NT5E: variants seen among roughly 807,000 people sequenced by gnomAD.
The protein encoded by NT5E is 5'-nucleotidase ecto, also known as 5'-nucleotidase.
A neutral mutation model predicts 55.1 loss-of-function variants in NT5E; 53 were observed. The ratio of observed to expected loss-of-function variants is 0.96; its 90% confidence interval spans 0.77 to 1.21. The LOEUF (loss-of-function observed/expected upper bound fraction) is 1.21. Among genes scored for constraint, NT5E ranks in the 50% most tolerant of loss-of-function variants. The pLI, the probability that NT5E is intolerant of heterozygous loss-of-function variation, is 0.00. For synonymous variants in NT5E, 270 were observed against 278.4 expected, an observed-to-expected ratio of 0.97 and a Z score of 0.30; for missense variants, 683 against 724.3, an observed-to-expected ratio of 0.94 and a Z score of 0.65.
chr6:85,469,730 A>G (rs1209435880), intron 2 of NT5E, among the ~76,000 whole-genome samples: 1 of 152,224 alleles, frequency 6.6e-6, no homozygotes, highest in African/African-American at 2.4e-5. Context: ...ATTTTTCAAC[A>G]TTGCCTATGA....
In NT5E at chr6:85,494,238, A is replaced by C. The variant is rs1769846138; in HGVS notation, c.*234A>C. 3 of 530,958 alleles carry C rather than the reference A, an allele frequency of 5.7e-6. No individual in the cohort carries two copies. In the East Asian group the frequency reaches 9.2e-5, roughly 16 times the overall value. The allele number at this position is 530,958 out of a possible 1,614,324, so 32.9% of individuals were successfully genotyped here. A position where few individuals can be genotyped will look rare whatever the true frequency, so the allele number is the denominator to read the frequency against. On this transcript the variant is annotated 3_prime_UTR_variant, in exon 9 of 9. Transcript: ENST00000257770. ...CTATAAGGAGAAAGCCAACTATGTT[A>C]AGTTTACGTGTCCAAATTTTAATGA...
intron 2 of NT5E, among the ~76,000 whole-genome samples, chr6:85,470,242 C>A (rs747241433): frequency 3.9e-5 from 6 of 152,198 alleles, no homozygotes; most frequent in Admixed American, 1.3e-4. Flanking sequence ...GTTGGAGGAA[C>A]CAGTTGCCTT....
At chr6:85,483,545 T>C (rs945926238) in intron 3 of NT5E, among the ~76,000 whole-genome samples, 3 of 152,254 alleles carry the variant, frequency 2.0e-5, no homozygotes, top group African/African-American at 7.2e-5. Flanking sequence ...AGTTGGATGC[T>C]TCTGTAAAAG....
chr6:85,495,782 C>G lies in NT5E; in HGVS notation c.*1778C>G, dbSNP rs1331828002. The G allele has an allele frequency of 6.6e-6, 1 of 152,078 alleles. No individual in the cohort carries two copies. The highest frequency in any genetic ancestry group is 1.5e-5 in the Non-Finnish European group (1 of 68,010). The allele number at this position is 152,078 out of a possible 1,614,324, so 9.4% of individuals were successfully genotyped here. A position where few individuals can be genotyped will look rare whatever the true frequency, so the allele number is the denominator to read the frequency against. On this transcript the variant is annotated 3_prime_UTR_variant, in exon 9 of 9. Transcript: ENST00000257770. ...TCCCAACAATAAAATTGAAGATAAG[C>G]TCTTTGGTCTTTGATAGTTATTTCT...
chr6:85,460,773 G>A (rs1769084812), intron 1 of NT5E, among the ~76,000 whole-genome samples: 1 of 152,160 alleles, frequency 6.6e-6, no homozygotes, highest in Admixed American at 6.5e-5. Flanking sequence ...GAACACTCCT[G>A]GGGTGAGAGC....
chr6:85,487,161 A>C (rs1769685463), intron 4 of NT5E, among the ~76,000 whole-genome samples, 174 bp from the exon 5 acceptor site: 1 of 152,250 alleles, frequency 6.6e-6, no homozygotes, highest in Non-Finnish European at 1.5e-5. Context: ...TCTTATTACC[A>C]GGAAACAAAA....
intron 1 of NT5E, among the ~76,000 whole-genome samples, chr6:85,453,576 A>T (rs892357153): frequency 6.6e-6 from 1 of 152,246 alleles, no homozygotes; most frequent in African/African-American, 2.4e-5. Context: ...ATCCACCTCC[A>T]GAGGTGAGAT....
chr6:85,456,917 T>C (rs911512617), intron 1 of NT5E, among the ~76,000 whole-genome samples: 1 of 152,292 alleles, frequency 6.6e-6, no homozygotes, highest in East Asian at 1.9e-4. Flanking sequence ...GGTATGTGAT[T>C]GTTGTCTCCA....
At position 85,485,275 on chromosome 6, in the gene NT5E, A is replaced by C. The variant is rs759255764; in HGVS notation, c.792A>C (p.Pro264=). ...PSKEVPAGKY[P]FIVTSDDGRK... ...AAGAGGTGCCTGCTGGGAAGTACCC[A>C]TTCATAGTCACTTCTGATGATGGGC... The change falls in exon 4 of 9, where the codon CCA becomes CCC. Residue 264 remains proline (P), a synonymous_variant. Coordinates refer to ENST00000257770, the MANE Select transcript of NT5E (RefSeq NM_002526.4). 6.2e-7 allele frequency: 1 copy of C among 1,614,174 alleles called. No individual in the cohort carries two copies. The highest frequency in any genetic ancestry group is 1.3e-5 in the African/African-American group (1 of 75,060).
intron 4 of NT5E, among the ~76,000 whole-genome samples, chr6:85,486,797 T>C (rs1003236327): frequency 5.9e-5 from 9 of 152,204 alleles, no homozygotes; most frequent in Non-Finnish European, 2.9e-5. Flanking sequence ...AGAGTAAAAA[T>C]ACATTTTTAT....
rs1259930237 is a variant in NT5E, at chr6:85,495,107, T to C, written c.*1103T>C. On this transcript the variant is annotated 3_prime_UTR_variant, in exon 9 of 9. Transcript: ENST00000257770. Reference sequence around the variant, plus strand: ...TCTACTCATACTACACACCCAGTTATGGAATGTCCAGAGTTCTCGAAGAAA... The same window carrying C: ...TCTACTCATACTACACACCCAGTTACGGAATGTCCAGAGTTCTCGAAGAAA... The C allele has an allele frequency of 6.6e-6, 1 of 152,240 alleles. No homozygotes were observed. Among genetic ancestry groups the C allele is most frequent in the East Asian group, 1.9e-4 (1 of 5,194 alleles). 9.4% of individuals were successfully genotyped at this position (152,240 alleles called of 1,614,324 possible).
chr6:85,488,676 G>A (rs1032704985), intron 5 of NT5E, among the ~76,000 whole-genome samples: 1 of 152,128 alleles, frequency 6.6e-6, no homozygotes, highest in Non-Finnish European at 1.5e-5. Context: ...CGTCCCTTGG[G>A]TTCAAGCGAT....
At chr6:85,490,377 C>A in intron 6 of NT5E, 131 bp from the exon 7 acceptor site, 2 of 1,051,060 alleles carry the variant, frequency 1.9e-6, no homozygotes, top group Non-Finnish European at 1.5e-6. Flanking sequence ...ACCACTTAGA[C>A]ATAGCTAATG....
chr6:85,487,236 GT>G, intron 4 of NT5E, 98 bp from the exon 5 acceptor site: 1 of 1,113,984 alleles, frequency 9.0e-7, no homozygotes, highest in South Asian at 1.3e-5. Flanking sequence ...AAACAAATAT[GT>G]TCTCACAGCA....
intron 1 of NT5E, among the ~76,000 whole-genome samples, chr6:85,463,779 A>T (rs1277666311): frequency 6.6e-6 from 1 of 152,228 alleles, no homozygotes; most frequent in East Asian, 1.9e-4. Flanking sequence ...GAGTAGCATG[A>T]TCCTGAAGAG....
Position 85,495,586 on chromosome 6 carries a change from C to G in NT5E, c.*1582C>G, listed in dbSNP as rs1313082849. On this transcript the variant is annotated 3_prime_UTR_variant, in exon 9 of 9. Coordinates refer to ENST00000257770, the MANE Select transcript of NT5E (RefSeq NM_002526.4). The stretch of plus-strand genomic sequence containing the variant: ...TATAAAAAATGTCAATAAGATTGTA[C>G]AAGGAAAATTAGAGAAAGTCACATT... 6.6e-6 allele frequency: 1 copy of G among 152,118 alleles called. No individual in the cohort carries two copies. Among genetic ancestry groups the G allele is most frequent in the Non-Finnish European group, 1.5e-5 (1 of 68,016 alleles). 9.4% of individuals were successfully genotyped at this position (152,118 alleles called of 1,614,324 possible).
In NT5E at chr6:85,450,552, G is replaced by A; in HGVS notation, c.339+74G>A. The A allele has an allele frequency of 1.5e-6, 2 of 1,372,788 alleles. No individual in the cohort carries two copies. The highest frequency in any genetic ancestry group is 2.0e-6 in the Non-Finnish European group (2 of 988,572). 85.0% of individuals were successfully genotyped at this position (1,372,788 alleles called of 1,614,324 possible). ...AGCCGGGCTGGAAAAGCAGCGGATG[G>A]CAGAGTGTGGCAAGCCTAGGTCCAG... On this transcript the variant is annotated intron_variant, in intron 1 of 8. Transcript: ENST00000257770. This position sits in a 1 kb window ranked among gnomAD's most constrained non-coding sequence, Gnocchi z 4.0.
chr6:85,483,224 A>G (rs1020230668), intron 3 of NT5E, among the ~76,000 whole-genome samples: 4 of 152,222 alleles, frequency 2.6e-5, no homozygotes, highest in African/African-American at 4.8e-5. Context: ...CAGACTCCTG[A>G]TATCTGCAAC....
In NT5E at chr6:85,450,481, A is replaced by G; in HGVS notation, c.339+3A>G. The G allele has an allele frequency of 1.3e-6, 2 of 1,586,290 alleles. No individual in the cohort carries two copies. The highest frequency in any genetic ancestry group is 1.7e-6 in the Non-Finnish European group (2 of 1,167,412). On this transcript the variant is annotated splice_donor_region_variant and intron_variant, in intron 1 of 8. Coordinates refer to ENST00000257770, the MANE Select transcript of NT5E (RefSeq NM_002526.4). This position sits in a 1 kb window ranked among gnomAD's most constrained non-coding sequence, Gnocchi z 4.0. Reference sequence around the variant, plus strand: ...ACGCCCTGCGCTACGATGCCATGGTAAGACCCGAGCCCGCGCCCGGGATAG... The same window carrying G: ...ACGCCCTGCGCTACGATGCCATGGTGAGACCCGAGCCCGCGCCCGGGATAG...
Sources: gnomAD v4.1 joint callset for allele counts (sites outside exome capture counted in the v4.1 genomes callset) on GRCh38, gnomAD v4.1.1 for gene constraint, Gnocchi (gnomAD v3.1) non-coding constraint, MANE v1.5 for transcripts, NCBI Gene and HGNC (gene_info 2026-07-23, HGNC 2026-07-21) for gene names.